The following SCRN1 variants were observed in gnomAD, a reference collection of about 807,000 sequenced individuals.
The protein encoded by SCRN1 is secernin-1.
In SCRN1, 19 loss-of-function variants were observed where a neutral mutation model predicts 43.3. That is an observed-to-expected ratio of 0.44 (90% CI 0.31 to 0.64). SCRN1 has a LOEUF of 0.64. Ranked by LOEUF, SCRN1 falls within the 30% of genes least tolerant of loss-of-function variation. SCRN1 has a pLI of 0.09. For missense variants in SCRN1, 447 were observed against 524.1 expected (o/e 0.85, Z 1.44); for synonymous variants, 183 against 188.9 (o/e 0.97, Z 0.26).
chr7:29,990,151 A>G (rs1464449105), upstream of SCRN1: 8 of 1,551,426 alleles, frequency 5.2e-6, no homozygotes, highest in South Asian at 7.1e-5. Flanking sequence ...CGCCCACACA[A>G]GATTTCCCCG....
rs1023649430 is a variant in SCRN1 at position 29,920,770 on chromosome 7, A to T, written c.*3187T>A. 2.6e-5 allele frequency: 4 copies of T among 151,882 alleles called. No individual in the cohort carries two copies. 9.4% of individuals were successfully genotyped at this position (151,882 alleles called of 1,614,324 possible). A position where few individuals can be genotyped will look rare whatever the true frequency, so the allele number is the denominator to read the frequency against. ...TGTGGGATGACATCAGCTAGGAAGC[A>T]AAGTAATTTGCCTGGTTGATGATTA... On this transcript the variant is annotated 3_prime_UTR_variant, in exon 8 of 8. Transcript: ENST00000242059.
intron 6 of SCRN1, among the ~76,000 whole-genome samples, chr7:29,929,972 T>C (rs1384532758): frequency 2.6e-5 from 4 of 151,936 alleles, no homozygotes; most frequent in African/African-American, 4.8e-5. Flanking sequence ...AGAGAAGAGA[T>C]ACCATAAGTT....
intron 3 of SCRN1, among the ~76,000 whole-genome samples, chr7:29,949,573 T>C (rs1173973641): frequency 1.3e-5 from 2 of 151,982 alleles, no homozygotes; most frequent in Admixed American, 1.3e-4. Flanking sequence ...TACAGAGTTT[T>C]ACCATGTTGC....
In SCRN1 at chr7:29,944,187, A is replaced by AT. The variant is rs778725786; in HGVS notation, c.342-9_342-8insA. On this transcript the variant is annotated splice_polypyrimidine_tract_variant and intron_variant, in intron 3 of 7. Coordinates refer to ENST00000242059, the MANE Select transcript of SCRN1 (RefSeq NM_014766.5). ...CCTCTTTCTAAACCAAGCCTGCAGG[A>AT]AGGAAACCAGAACCATACTTCAGTC... 1.9e-6 allele frequency: 3 copies of AT among 1,613,706 alleles called. No homozygotes were observed. The highest frequency in any genetic ancestry group is 4.5e-5 in the East Asian group (2 of 44,898).
rs140058048 is a variant in SCRN1 at position 29,931,281 on chromosome 7, A to G, written c.906-4649T>C. ...ATAATTCTCAAAGCATCTGCATTCA[A>G]TTCTCATGGTACTCTTATTCATTCA... On this transcript the variant is annotated intron_variant, in intron 6 of 7. Coordinates refer to ENST00000242059, the MANE Select transcript of SCRN1 (RefSeq NM_014766.5). 1.8e-3 allele frequency among the ~76,000 whole-genome samples: 267 copies of G among 152,358 alleles called. 2 individuals carry two copies. Among genetic ancestry groups the G allele is most frequent in the Non-Finnish European group, 2.1e-3 (145 of 68,040 alleles).
At chr7:29,982,739 T>A (rs1789028134) in intron 1 of SCRN1, among the ~76,000 whole-genome samples, 1 of 149,914 alleles carries the variant, frequency 6.7e-6, no homozygotes, top group Non-Finnish European at 1.5e-5. Flanking sequence ...TTGCCCAGGG[T>A]TGTATAATTA....
Position 29,969,859 on chromosome 7 carries a change from A to G in SCRN1, c.-1-791T>C, listed in dbSNP as rs1040354735. The G allele has an allele frequency of 3.5e-5, 16 of 456,272 alleles. No homozygotes were observed. The East Asian group carries it at 1.1e-3, about 32-fold the overall frequency. The allele number at this position is 456,272 out of a possible 1,614,324, so 28.3% of individuals were successfully genotyped here. A position where few individuals can be genotyped will look rare whatever the true frequency, so the allele number is the denominator to read the frequency against. On this transcript the variant is annotated intron_variant, in intron 1 of 7. Transcript: ENST00000242059. The stretch of plus-strand genomic sequence containing the variant: ...CTGCCTGATATCCGAAGCTGATTTC[A>G]TCTTCTTCCCTTTTCAAGGTTCTTT...
intron 7 of SCRN1, among the ~76,000 whole-genome samples, chr7:29,925,711 A>C (rs1371890092): frequency 6.6e-6 from 1 of 152,060 alleles, no homozygotes; most frequent in Non-Finnish European, 1.5e-5. Context: ...CTTCTTTTTT[A>C]AAACTAGGAA....
At chr7:29,960,731 C>T (rs1387097673) in intron 2 of SCRN1, among the ~76,000 whole-genome samples, 1 of 152,096 alleles carries the variant, frequency 6.6e-6, no homozygotes, top group Non-Finnish European at 1.5e-5. Context: ...CACACACACA[C>T]ATCCACACAC....
At position 29,952,622 on chromosome 7, in the gene SCRN1, G is replaced by A. The variant is rs577127449; in HGVS notation, c.341+2557C>T. Among the ~76,000 whole-genome samples the A allele has an allele frequency of 9.9e-5, 15 of 151,466 alleles. No homozygotes were observed. In the East Asian group the frequency reaches 1.6e-3, roughly 16 times the overall value. ...GGAGAATCGCTTGAACCTGGGAGGC[G>A]GAGGTTGCAATCAGCCGAGATCATA... On this transcript the variant is annotated intron_variant, in intron 3 of 7. Transcript: ENST00000242059.
At position 29,968,911 on chromosome 7, in the gene SCRN1, C is replaced by T; in HGVS notation, c.157G>A (p.Glu53Lys). 6.2e-7 allele frequency: 1 copy of T among 1,614,174 alleles called. No individual in the cohort carries two copies. Among genetic ancestry groups the T allele is most frequent in the Non-Finnish European group, 8.5e-7 (1 of 1,180,028 alleles). The change falls in exon 2 of 8, where the codon GAG (glutamate) becomes AAG (lysine). Residue 53 changes from glutamate (E) to lysine (K), a missense_variant and splice_region_variant. Coordinates refer to ENST00000242059, the MANE Select transcript of SCRN1 (RefSeq NM_014766.5). ...AADHEPESKV[E>K]CTYISIDQVP... ...CGAGACTGCAATGCACGGCTTACCTCAACCTTGCTCTCCGGTTCGTGATCA... is the reference window on the plus strand; with the variant it reads ...CGAGACTGCAATGCACGGCTTACCTTAACCTTGCTCTCCGGTTCGTGATCA...
intron 2 of SCRN1, among the ~76,000 whole-genome samples, chr7:29,962,259 A>C (rs1446256434): frequency 6.8e-6 from 1 of 147,740 alleles, no homozygotes; most frequent in Admixed American, 6.8e-5. Flanking sequence ...ATTATTAGAT[A>C]ATTGTTTATA....
chr7:29,969,236 G>GC, intron 1 of SCRN1, 168 bp from the exon 2 acceptor site: 1 of 630,650 alleles, frequency 1.6e-6, no homozygotes, highest in Non-Finnish European at 2.6e-6. Context: ...GCCTGCAGTG[G>GC]AATGACAGAG....
intron 1 of SCRN1, among the ~76,000 whole-genome samples, chr7:29,976,163 A>G (rs899441483): frequency 6.6e-6 from 1 of 152,132 alleles, no homozygotes. Context: ...CTTCAGACCA[A>G]CGCTGTCCAG....
chr7:29,924,631 C>T (rs1786880935), intron 7 of SCRN1, among the ~76,000 whole-genome samples: 2 of 152,234 alleles, frequency 1.3e-5, no homozygotes, highest in Non-Finnish European at 2.9e-5. Context: ...TGGCTTGCCT[C>T]TGCAGCTGTG....
chr7:29,979,568 G>C (rs1438366447), intron 1 of SCRN1, among the ~76,000 whole-genome samples: 1 of 152,060 alleles, frequency 6.6e-6, no homozygotes, highest in East Asian at 1.9e-4. Flanking sequence ...TTCAATGTTG[G>C]GACACACTTG....
chr7:29,946,872 C>A (rs1787754738), intron 3 of SCRN1, among the ~76,000 whole-genome samples: 1 of 152,228 alleles, frequency 6.6e-6, no homozygotes, highest in South Asian at 2.1e-4. Flanking sequence ...CTGAGAAATG[C>A]AGATGAATCC....
chr7:29,924,693 C>A (rs1786882674), intron 7 of SCRN1, among the ~76,000 whole-genome samples: 1 of 152,068 alleles, frequency 6.6e-6, no homozygotes, highest in Admixed American at 6.5e-5. Context: ...ACTGGGAGGG[C>A]ACTCTCAAAA....
intron 1 of SCRN1, chr7:29,988,584 A>C (rs1346024346): frequency 6.6e-6 from 1 of 152,392 alleles, no homozygotes; most frequent in African/African-American, 2.4e-5. Context: ...ATTTTGAATT[A>C]GCATAGGTTT....
Sources: allele counts gnomAD v4.1 joint callset (sites outside exome capture counted in the v4.1 genomes callset), GRCh38; gene constraint gnomAD v4.1.1; transcripts MANE v1.5; gene names NCBI Gene and HGNC (gene_info 2026-07-23, HGNC 2026-07-21).